TJP1: variants seen among roughly 807,000 people sequenced by gnomAD.
TJP1 encodes the protein tight junction protein 1.
TJP1 carries 43 observed loss-of-function variants against 194.2 expected under a neutral mutation model. That is an observed-to-expected ratio of 0.22 (90% CI 0.17 to 0.29). TJP1 has a LOEUF of 0.29. Ranked by LOEUF, TJP1 falls within the 10% of genes least tolerant of loss-of-function variation. The pLI is 1.00. For missense variants in TJP1, 1,971 were observed against 2,185.7 expected (o/e 0.90, Z 1.96); for synonymous variants, 801 against 779.0 (o/e 1.03, Z -0.47).
intron 2 of TJP1, among the ~76,000 whole-genome samples, chr15:29,777,322 T>C (rs750743468): frequency 6.6e-6 from 1 of 152,170 alleles, no homozygotes; most frequent in Non-Finnish European, 1.5e-5. Flanking sequence ...TTTCTGAACC[T>C]TCAGTCAAAT....
In TJP1 at chr15:29,761,299, G is replaced by A. The variant is rs746608376; in HGVS notation, c.863-13C>T. ...ATTTCTGAAATGTCTGTTAATAAAAGGGTGCTACTTATTTTCCCACAAAAA... is the reference window on the plus strand; with the variant it reads ...ATTTCTGAAATGTCTGTTAATAAAAAGGTGCTACTTATTTTCCCACAAAAA... On this transcript the variant is annotated splice_polypyrimidine_tract_variant and intron_variant, in intron 7 of 27. Transcript: ENST00000614355. 7.4e-6 allele frequency: 12 copies of A among 1,613,508 alleles called. No individual in the cohort carries two copies. In the Admixed American group the frequency reaches 1.3e-4, roughly 18 times the overall value.
chr15:29,918,148 T>A (rs2054244656), intron 2 of TJP1, among the ~76,000 whole-genome samples: 2 of 152,218 alleles, frequency 1.3e-5, no homozygotes, highest in Non-Finnish European at 2.9e-5. Flanking sequence ...TGTTGTAGCA[T>A]GTGTTAGAGT....
chr15:29,772,188 A>G (rs1214019840), intron 3 of TJP1, 22 bp from the exon 4 acceptor site: 1 of 1,434,988 alleles, frequency 7.0e-7, no homozygotes, highest in African/African-American at 1.4e-5. Context: ...AGGGCACAAA[A>G]TAATATGTTA....
At chr15:29,780,063 C>A (rs922450193) in intron 2 of TJP1, among the ~76,000 whole-genome samples, 1 of 151,730 alleles carries the variant, frequency 6.6e-6, no homozygotes, top group African/African-American at 2.4e-5. Flanking sequence ...ACCCTCTATA[C>A]CAGCAGTCCT....
intron 27 of TJP1, 71 bp downstream of exon 27, chr15:29,704,091 G>T: frequency 6.7e-7 from 1 of 1,481,686 alleles, no homozygotes; most frequent in Non-Finnish European, 9.2e-7. Flanking sequence ...AGCATGGGCA[G>T]CATCATCAGC....
At chr15:29,927,470 A>G (rs1234164773) in intron 2 of TJP1, among the ~76,000 whole-genome samples, 1 of 152,250 alleles carries the variant, frequency 6.6e-6, no homozygotes, top group Non-Finnish European at 1.5e-5. Flanking sequence ...ATAGAGACAC[A>G]TGCAGATACA....
intron 4 of TJP1, among the ~76,000 whole-genome samples, 190 bp downstream of exon 4, chr15:29,771,874 C>T (rs1402971962): frequency 6.6e-6 from 1 of 151,554 alleles, no homozygotes; most frequent in Non-Finnish European, 1.5e-5. Context: ...ATCCTGGTAT[C>T]TAAACTGAGA....
intron 2 of TJP1, among the ~76,000 whole-genome samples, chr15:29,791,413 C>CTTTTTTTT (rs34201715): frequency 3.9e-5 from 2 of 51,188 alleles, no homozygotes; most frequent in Non-Finnish European, 3.4e-5. Flanking sequence ...CCATAATATT[C>CTTTTTTTT]TTTTTTTTTT....
chr15:29,757,737 C>T (rs2045736581), intron 8 of TJP1, among the ~76,000 whole-genome samples: 1 of 152,154 alleles, frequency 6.6e-6, no homozygotes, highest in South Asian at 2.1e-4. Context: ...TTCTTTTATA[C>T]ACTATACTTT....
At chr15:29,733,911 T>G (rs2043839262) in intron 12 of TJP1, among the ~76,000 whole-genome samples, 1 of 152,236 alleles carries the variant, frequency 6.6e-6, no homozygotes, top group Non-Finnish European at 1.5e-5. Flanking sequence ...GAATTAATGC[T>G]AATAAACATC....
intron 25 of TJP1, among the ~76,000 whole-genome samples, 160 bp downstream of exon 25, chr15:29,708,399 T>G (rs1297140257): frequency 6.6e-6 from 1 of 152,140 alleles, no homozygotes; most frequent in Non-Finnish European, 1.5e-5. Flanking sequence ...TTGTACCTCC[T>G]GGAGGACCTT....
In TJP1 at chr15:29,719,021, G is replaced by A. The variant is rs150421959; in HGVS notation, c.3121C>T (p.Pro1041Ser). ...PDKEPNLTYE[P>S]QLPYVEKQAS... Reference sequence around the variant, plus strand: ...TGTTTCTCTACGTATGGGAGTTGGGGTTCATAGGTCAGATTAGGCTCTTTG... The same window carrying A: ...TGTTTCTCTACGTATGGGAGTTGGGATTCATAGGTCAGATTAGGCTCTTTG... Residue 1041 changes from proline to serine, a missense_variant, in exon 21 of 28, where the codon CCC (proline) becomes TCC (serine). Pro to Ser is a moderately conservative substitution (Grantham distance 74). Transcript: ENST00000614355. 23 of 1,614,048 alleles carry A rather than the reference G, an allele frequency of 1.4e-5. No individual in the cohort carries two copies. The South Asian group carries it at 1.6e-4, about 12-fold the overall frequency.
At chr15:29,966,889 C>G (rs1202263840) in intron 1 of TJP1, among the ~76,000 whole-genome samples, 1 of 152,168 alleles carries the variant, frequency 6.6e-6, no homozygotes, top group Non-Finnish European at 1.5e-5. Flanking sequence ...CAAATGTTAC[C>G]CCTTCTTCCT....
chr15:29,820,985 A>T (rs541922260), intron 1 of TJP1, among the ~76,000 whole-genome samples: 4 of 152,330 alleles, frequency 2.6e-5, no homozygotes, highest in African/African-American at 9.6e-5. Flanking sequence ...TTCAAACAAA[A>T]ATACACACAG....
At chr15:29,957,256 C>T (rs1361813373) in intron 1 of TJP1, among the ~76,000 whole-genome samples, 1 of 152,096 alleles carries the variant, frequency 6.6e-6, no homozygotes, top group Non-Finnish European at 1.5e-5. Flanking sequence ...CATACAGACA[C>T]AGTAAATATC....
At chr15:29,869,673 C>T (rs1189101451) in intron 2 of TJP1, among the ~76,000 whole-genome samples, 1 of 152,032 alleles carries the variant, frequency 6.6e-6, no homozygotes, top group African/African-American at 2.4e-5. Context: ...CAGACAGGCA[C>T]CTTACAGACA....
In TJP1 at chr15:29,822,039, T is replaced by G. The variant is rs2050417394; in HGVS notation, c.-11A>C. The G allele has an allele frequency of 1.5e-6, 2 of 1,323,934 alleles. No homozygotes were observed. Among genetic ancestry groups the G allele is most frequent in the Non-Finnish European group, 1.9e-6 (2 of 1,035,408 alleles). 82.0% of individuals were successfully genotyped at this position (1,323,934 alleles called of 1,614,324 possible). On this transcript the variant is annotated 5_prime_UTR_variant, in exon 1 of 28. Coordinates refer to ENST00000614355, the MANE Select transcript of TJP1 (RefSeq NM_001330239.4). The stretch of plus-strand genomic sequence containing the variant: ...AGCTCTGGCGGACATCTTGTCTCTC[T>G]CCAGCGCCGCGCGAGGCTCCTCGGA...
intron 2 of TJP1, among the ~76,000 whole-genome samples, chr15:29,863,633 GCAAC>G (rs2052181504): frequency 6.6e-6 from 1 of 152,100 alleles, no homozygotes. Flanking sequence ...CATTTCAGTT[GCAAC>G]CTACGCCTAA....
intron 1 of TJP1, among the ~76,000 whole-genome samples, chr15:29,813,123 T>C (rs1326740397): frequency 6.6e-6 from 1 of 152,204 alleles, no homozygotes; most frequent in African/African-American, 2.4e-5. Context: ...CCCCTGATTG[T>C]GGCTTTTGGT....
Sources: allele counts gnomAD v4.1 joint callset (sites outside exome capture counted in the v4.1 genomes callset), GRCh38; gene constraint gnomAD v4.1.1; transcripts MANE v1.5; gene names NCBI Gene and HGNC (gene_info 2026-07-23, HGNC 2026-07-21).